Variants in ANKRD31 observed in about 807,000 individuals in gnomAD.
ANKRD31 encodes ankyrin repeat domain 31.
ANKRD31 carries 147 observed loss-of-function variants against 186.0 expected under a neutral mutation model. The observed-to-expected ratio is 0.79, with a 90% CI of 0.69 to 0.91. ANKRD31 has a LOEUF of 0.91. Among genes scored for constraint, ANKRD31 ranks in the 40% least tolerant of loss-of-function variants. ANKRD31 has a pLI of 0.00. For synonymous variants in ANKRD31, 673 were observed against 736.4 expected (o/e 0.91, Z 1.39); for missense variants, 1,986 against 2,148.8 (o/e 0.92, Z 1.50).
chr5:75,069,907 G>A (rs531823210), intron 25 of ANKRD31, among the ~76,000 whole-genome samples: 1 of 152,244 alleles, frequency 6.6e-6, no homozygotes, highest in South Asian at 2.1e-4. Context: ...GGGATGATGA[G>A]AAGAAAGGCT....
intron 5 of ANKRD31, among the ~76,000 whole-genome samples, chr5:75,203,110 C>T (rs1404166870): frequency 1.3e-5 from 2 of 152,100 alleles, no homozygotes; most frequent in Non-Finnish European, 2.9e-5. Context: ...CCTCACCTGG[C>T]CATGTGGCAC....
intron 14 of ANKRD31, 112 bp downstream of exon 14, chr5:75,145,875 G>A (rs7735937): frequency 0.41 from 394,519 of 958,054 alleles, 90,378 homozygotes; most frequent in African/African-American, 0.88. Flanking sequence ...TGGCCCACAT[G>A]TCCTCATTCT....
In ANKRD31 at chr5:75,201,179, C is replaced by G. The variant is rs180784968; in HGVS notation, c.404-1505G>C. On this transcript the variant is annotated intron_variant, in intron 5 of 25. Coordinates refer to ENST00000506364, the MANE Select transcript of ANKRD31 (RefSeq NM_001372053.1). ...ATCCTAAAAGATAATAATAATAAAC[C>G]TGTTTTTTTCCCTCGCTTCATCTTT... Among the ~76,000 whole-genome samples the G allele has an allele frequency of 1.2e-4, 18 of 152,164 alleles. No individual in the cohort carries two copies. The East Asian group carries it at 3.1e-3, about 26-fold the overall frequency.
chr5:75,071,454 T>C (rs1744216554), intron 25 of ANKRD31, among the ~76,000 whole-genome samples: 1 of 151,192 alleles, frequency 6.6e-6, no homozygotes, highest in Non-Finnish European at 1.5e-5. Context: ...TCATAATGCC[T>C]AATTCAAGCA....
intron 23 of ANKRD31, among the ~76,000 whole-genome samples, chr5:75,089,289 T>C (rs1046607228): frequency 7.9e-5 from 12 of 152,188 alleles, no homozygotes; most frequent in African/African-American, 2.4e-4. Flanking sequence ...AGGATTTCCT[T>C]GGCAAAGCTG....
At chr5:75,223,438 G>A (rs1757425619) in intron 2 of ANKRD31, among the ~76,000 whole-genome samples, 1 of 151,676 alleles carries the variant, frequency 6.6e-6, no homozygotes, top group Admixed American at 6.6e-5. Flanking sequence ...TTGTTTTTTT[G>A]AAACTCATAA....
Position 75,144,126 on chromosome 5 carries a change from C to G in ANKRD31, c.3470G>C (p.Arg1157Thr). The G allele has an allele frequency of 2.5e-6, 1 of 397,362 alleles. No individual in the cohort carries two copies. The highest frequency in any genetic ancestry group is 4.4e-6 in the Non-Finnish European group (1 of 225,286). The allele number at this position is 397,362 out of a possible 1,614,324, so 24.6% of individuals were successfully genotyped here. ...NNISGDEITIRNCEEIKEKTE... is the reference protein window; with the variant it reads ...NNISGDEITITNCEEIKEKTE... The stretch of plus-strand genomic sequence containing the variant: ...TTTTTCTTTTATCTCCTCACAATTT[C>G]TTATAGTTATTTCATCTCCACTGAT... Residue 1157 changes from arginine (R) to threonine (T), a missense_variant, in exon 15 of 26, where the codon AGA becomes ACA. Coordinates refer to ENST00000506364, the MANE Select transcript of ANKRD31 (RefSeq NM_001372053.1).
chr5:75,070,510 C>T (rs1265519164), intron 25 of ANKRD31, among the ~76,000 whole-genome samples: 3 of 152,204 alleles, frequency 2.0e-5, no homozygotes, highest in African/African-American at 7.2e-5. Context: ...GTTGAGGGGT[C>T]TGTAAACATT....
chr5:75,225,791 T>C (rs987217907), intron 2 of ANKRD31: 2 of 157,062 alleles, frequency 1.3e-5, no homozygotes, highest in African/African-American at 4.8e-5. Flanking sequence ...GAGGGAAAAG[T>C]AAAGGGGACT....
Position 75,113,101 on chromosome 5 carries a change from G to A in ANKRD31, c.4156-501C>T, listed in dbSNP as rs561297498. Among the ~76,000 whole-genome samples, 6 of 152,276 alleles carry A rather than the reference G, an allele frequency of 3.9e-5. No homozygotes were observed. In the South Asian group the frequency reaches 1.2e-3, roughly 32 times the overall value. ...CAGTACTAATCTTCCTGCCTGGAAT[G>A]CTTTCAATTCACTCTGCCCTGATCC... is the stretch of plus-strand genomic sequence containing the variant. On this transcript the variant is annotated intron_variant, in intron 19 of 25. Coordinates refer to ENST00000506364, the MANE Select transcript of ANKRD31 (RefSeq NM_001372053.1).
intron 9 of ANKRD31, among the ~76,000 whole-genome samples, chr5:75,191,995 C>T (rs1004182907): frequency 6.6e-6 from 1 of 152,104 alleles, no homozygotes; most frequent in East Asian, 1.9e-4. Flanking sequence ...TGACTTTAAA[C>T]CATTCTTTCT....
chr5:75,224,953 T>G (rs928584416), intron 2 of ANKRD31, among the ~76,000 whole-genome samples: 1 of 152,160 alleles, frequency 6.6e-6, no homozygotes, highest in African/African-American at 2.4e-5. Flanking sequence ...TGAAAATAAT[T>G]TGGAGACAGA....
chr5:75,184,092 A>T (rs1287150476), intron 10 of ANKRD31, among the ~76,000 whole-genome samples: 1 of 152,164 alleles, frequency 6.6e-6, no homozygotes, highest in Non-Finnish European at 1.5e-5. Flanking sequence ...CCAGACATAA[A>T]TCCACGCATC....
At chr5:75,229,875 A>C (rs1398183295) in intron 2 of ANKRD31, among the ~76,000 whole-genome samples, 1 of 107,728 alleles carries the variant, frequency 9.3e-6, no homozygotes, top group African/African-American at 6.0e-5. Context: ...AAAAAAAAAA[A>C]AAAAAAAAAA....
At chr5:75,138,754 G>A (rs538887058) in intron 16 of ANKRD31, 92 bp downstream of exon 16, 1 of 1,307,428 alleles carries the variant, frequency 7.6e-7, no homozygotes, top group Non-Finnish European at 1.0e-6. Flanking sequence ...TTACATATCA[G>A]CCAGGAACAA....
intron 24 of ANKRD31, among the ~76,000 whole-genome samples, chr5:75,083,208 A>G (rs536130078): frequency 4.7e-4 from 72 of 152,264 alleles, no homozygotes; most frequent in African/African-American, 1.7e-3. Context: ...TTTGACTGTG[A>G]CTTGTCACGT....
intron 10 of ANKRD31, among the ~76,000 whole-genome samples, chr5:75,177,568 G>A (rs937372600): frequency 6.6e-6 from 1 of 152,006 alleles, no homozygotes; most frequent in African/African-American, 2.4e-5. Context: ...AAGAGAGTGG[G>A]GGCCAATATT....
intron 23 of ANKRD31, among the ~76,000 whole-genome samples, chr5:75,085,215 A>G (rs554027755): frequency 2.5e-4 from 38 of 152,286 alleles, no homozygotes; most frequent in Middle Eastern, 3.4e-3. Flanking sequence ...CTTACCTCAT[A>G]TAAATGAAAT....
Position 75,210,486 on chromosome 5 carries a change from G to A in ANKRD31, c.326+342C>T, listed in dbSNP as rs567773484. Among the ~76,000 whole-genome samples the A allele has an allele frequency of 2.2e-4, 34 of 152,070 alleles. No individual in the cohort carries two copies. The South Asian group carries it at 2.7e-3, about 12-fold the overall frequency. ...ACTATGCCTGGCCGAGTTTCTTAAG[G>A]TATAATAAGTTTATAAAGTCTAATT... On this transcript the variant is annotated intron_variant, in intron 4 of 25. Coordinates refer to ENST00000506364, the MANE Select transcript of ANKRD31 (RefSeq NM_001372053.1).
Sources: gnomAD v4.1 joint callset for allele counts (sites outside exome capture counted in the v4.1 genomes callset) on GRCh38, gnomAD v4.1.1 for gene constraint, MANE v1.5 for transcripts, NCBI Gene and HGNC (gene_info 2026-07-23, HGNC 2026-07-21) for gene names.